The following KDM2B variants were observed in gnomAD, a reference collection of about 807,000 sequenced individuals.
The protein encoded by KDM2B is lysine-specific demethylase 2B.
KDM2B carries 26 observed loss-of-function variants against 150.0 expected under a neutral mutation model. The observed-to-expected ratio is 0.17, with a 90% CI of 0.13 to 0.24. The LOEUF (loss-of-function observed/expected upper bound fraction) is 0.24, where lower values mean the gene tolerates loss of function less well. Among genes scored for constraint, KDM2B ranks in the 10% least tolerant of loss-of-function variants. The pLI, the probability that KDM2B is intolerant of heterozygous loss-of-function variation, is 1.00. For synonymous variants in KDM2B, 734 were observed against 729.5 expected (o/e 1.01, Z -0.10); for missense variants, 1,265 against 1,816.9 (o/e 0.70, Z 5.52).
chr12:121,574,685 G>T (rs1307660133), intron 3 of KDM2B, 92 bp from the exon 4 acceptor site: 1 of 1,164,788 alleles, frequency 8.6e-7, no homozygotes, highest in East Asian at 2.4e-5. Context: ...TTTTCCAAGA[G>T]AGATCCTTTC....
intron 13 of KDM2B, among the ~76,000 whole-genome samples, chr12:121,446,850 G>A (rs1876364711): frequency 6.6e-6 from 1 of 152,136 alleles, no homozygotes; most frequent in African/African-American, 2.4e-5. Flanking sequence ...ATTAACAAAC[G>A]TGATTTCTAA....
chr12:121,424,812 G>A (rs1872433487), downstream of KDM2B, among the ~76,000 whole-genome samples: 1 of 152,124 alleles, frequency 6.6e-6, no homozygotes, highest in East Asian at 1.9e-4. Context: ...CTGATGTGCT[G>A]TTTCTTGTGT....
chr12:121,535,972 T>A (rs1293380994), intron 6 of KDM2B: 3 of 853,708 alleles, frequency 3.5e-6, no homozygotes, highest in East Asian at 2.4e-4. Context: ...CTCACGCCCA[T>A]GCACCTTGGC....
the KDM2B span, among the ~76,000 whole-genome samples, chr12:121,423,145 T>C: frequency 6.6e-6 from 1 of 152,214 alleles, no homozygotes; most frequent in East Asian, 1.9e-4. The surrounding 1 kb of genome is among the most constrained non-coding windows in gnomAD (Gnocchi z 4.3). Context: ...TAGCTAACAT[T>C]TGTTGGGTAC....
rs34681676 is a variant in KDM2B, at chr12:121,473,720, C to CA, written c.1735-20377dup. On this transcript the variant is annotated intron_variant, in intron 12 of 22. Transcript: ENST00000377071. The stretch of plus-strand genomic sequence containing the variant: ...GGTGACAAGAGCAAAACTCCCAACT[C>CA]AAAAAAAAAAAAAAGAGAGAGAGAG... Among the ~76,000 whole-genome samples, 93 of 122,518 alleles carry CA rather than the reference C, an allele frequency of 7.6e-4. 9 individuals carry two copies. The highest frequency in any genetic ancestry group is 9.5e-4 in the East Asian group (4 of 4,228). 80.4% of individuals were successfully genotyped at this position (122,518 alleles called of 152,430 possible).
intron 9 of KDM2B, among the ~76,000 whole-genome samples, chr12:121,519,539 C>T (rs1418040624): frequency 6.6e-6 from 1 of 152,160 alleles, no homozygotes; most frequent in Non-Finnish European, 1.5e-5. Context: ...CAAAAGGCCA[C>T]ATGTTGAATG....
chr12:121,524,006 C>T (rs780481580), intron 8 of KDM2B, among the ~76,000 whole-genome samples: 8 of 152,200 alleles, frequency 5.3e-5, no homozygotes, highest in Non-Finnish European at 1.2e-4. Context: ...TCCATGTTTC[C>T]ACCAAGTGGA....
At position 121,453,995 on chromosome 12, in the gene KDM2B, C is replaced by T. The variant is rs1877795159; in HGVS notation, c.1735-651G>A. 6.6e-6 allele frequency among the ~76,000 whole-genome samples: 1 copy of T among 152,202 alleles called. No homozygotes were observed. The highest frequency in any genetic ancestry group is 2.4e-5 in the African/African-American group (1 of 41,458). On this transcript the variant is annotated intron_variant, in intron 12 of 22. Transcript: ENST00000377071. This position sits in a 1 kb window ranked among gnomAD's most constrained non-coding sequence, Gnocchi z 6.4. ...CCGCAAGGGGCCACACAATCGGTCT[C>T]TGTTCCCCCAGCCCGGAAGGCCAAC...
chr12:121,442,402 C>T lies in KDM2B; in HGVS notation c.3039G>A (p.Gly1013=), dbSNP rs1555288639. The stretch of plus-strand genomic sequence containing the variant: ...CACGGGGCGGGCTGCGCAGGCTGGG[C>T]CCCAGCTGGTGCCGCAGCTCCCGGG... ...GTPRELRHQL[G]PSLRSPPRVI... Residue 1013 remains glycine (G), a synonymous_variant, in exon 19 of 23, where the codon GGG becomes GGA. Coordinates refer to ENST00000377071, the MANE Select transcript of KDM2B (RefSeq NM_032590.5). This position sits in a 1 kb window ranked among gnomAD's most constrained non-coding sequence, Gnocchi z 7.7. The T allele has an allele frequency of 7.5e-6, 12 of 1,596,654 alleles. No individual in the cohort carries two copies. The highest frequency in any genetic ancestry group is 1.0e-5 in the Non-Finnish European group (12 of 1,175,006).
chr12:121,570,358 G>A (rs1891008346), intron 4 of KDM2B, among the ~76,000 whole-genome samples: 1 of 151,992 alleles, frequency 6.6e-6, no homozygotes, highest in South Asian at 2.1e-4. Context: ...GGCCATTTTT[G>A]TGTTTTTTGT....
At chr12:121,435,548 G>A (rs1873845030) in intron 22 of KDM2B, among the ~76,000 whole-genome samples, 1 of 152,148 alleles carries the variant, frequency 6.6e-6, no homozygotes, top group African/African-American at 2.4e-5. Context: ...TCTATTCAAG[G>A]AGCAGTAAGA....
At chr12:121,447,946 C>T (rs1555290716) in intron 13 of KDM2B, among the ~76,000 whole-genome samples, 2 of 152,052 alleles carry the variant, frequency 1.3e-5, no homozygotes, top group African/African-American at 2.4e-5. Flanking sequence ...CATTAGCCAC[C>T]GCGCCCGGCC....
At position 121,440,960 on chromosome 12, in the gene KDM2B, G is replaced by A. The variant is rs782438914; in HGVS notation, c.3466C>T (p.Leu1156=). 1.9e-6 allele frequency: 3 copies of A among 1,613,978 alleles called. No individual in the cohort carries two copies. The highest frequency in any genetic ancestry group is 1.1e-5 in the South Asian group (1 of 91,048). Residue 1156 remains leucine (L), a synonymous_variant, in exon 21 of 23, where the codon CTG becomes TTG. Coordinates refer to ENST00000377071, the MANE Select transcript of KDM2B (RefSeq NM_032590.5). ...ACCGCGATCCATGAGCAGCCTGACA[G>A]CACCAAGTCCCGGAGCCCTGGGGGG... The part of the protein sequence containing the change: ...NRLPGLRDLV[L]SGCSWIAVSA...
the KDM2B span, among the ~76,000 whole-genome samples, chr12:121,412,230 C>CTTTTT: frequency 2.0e-5 from 1 of 49,610 alleles, no homozygotes; most frequent in Non-Finnish European, 3.7e-5. Context: ...CCCAACTAAT[C>CTTTTT]TTTTTTTTTT....
chr12:121,516,944 T>C (rs1886260803), intron 9 of KDM2B: 1 of 639,132 alleles, frequency 1.6e-6, no homozygotes, highest in Non-Finnish European at 2.8e-6. Context: ...GGTAAATTAT[T>C]TGCAATTTCC....
At chr12:121,418,147 C>G in the KDM2B span, 1 of 524,218 alleles carries the variant, frequency 1.9e-6, no homozygotes, top group Non-Finnish European at 3.4e-6. Context: ...TCATCAGTCT[C>G]TTGGCCTTAG....
At chr12:121,572,489 T>C (rs1891172467) in intron 4 of KDM2B, among the ~76,000 whole-genome samples, 1 of 152,170 alleles carries the variant, frequency 6.6e-6, no homozygotes, top group Non-Finnish European at 1.5e-5. Context: ...TAGAATGTCT[T>C]TTCCCACAGC....
At position 121,444,543 on chromosome 12, in the gene KDM2B, G is replaced by A. The variant is rs1555289664; in HGVS notation, c.2104-7C>T. 1.2e-6 allele frequency: 2 copies of A among 1,613,300 alleles called. No individual in the cohort carries two copies. Among genetic ancestry groups the A allele is most frequent in the South Asian group, 1.1e-5 (1 of 91,082 alleles). ...CACCCTCTGACTCCTTAATCTGCGG[G>A]GAACACCAGGACTCAGAAGAGGGAC... On this transcript the variant is annotated splice_region_variant and splice_polypyrimidine_tract_variant and intron_variant, in intron 14 of 22. Coordinates refer to ENST00000377071, the MANE Select transcript of KDM2B (RefSeq NM_032590.5).
At position 121,510,048 on chromosome 12, in the gene KDM2B, G is replaced by A; in HGVS notation, c.1175-9C>T. On this transcript the variant is annotated splice_polypyrimidine_tract_variant and intron_variant, in intron 10 of 22. Transcript: ENST00000377071. ...GGGCTTCCTCGGGGCATCTGTGGGG[G>A]CAGGGTCACAAGAAAGACCGAGATG... is the stretch of plus-strand genomic sequence containing the variant. The A allele has an allele frequency of 6.5e-7, 1 of 1,531,520 alleles. No homozygotes were observed. Among genetic ancestry groups the A allele is most frequent in the Admixed American group, 2.1e-5 (1 of 47,894 alleles). The allele number at this position is 1,531,520 out of a possible 1,614,324, so 94.9% of individuals were successfully genotyped here. A position where few individuals can be genotyped will look rare whatever the true frequency, so the allele number is the denominator to read the frequency against.
Sources: allele counts gnomAD v4.1 joint callset (sites outside exome capture counted in the v4.1 genomes callset), GRCh38; gene constraint gnomAD v4.1.1; non-coding constraint Gnocchi (gnomAD v3.1); transcripts MANE v1.5; gene names NCBI Gene and HGNC (gene_info 2026-07-23, HGNC 2026-07-21).